LIN9: variants seen among roughly 807,000 people sequenced by gnomAD.
LIN9 encodes lin-9 DREAM MuvB core complex component.
LIN9 carries 18 observed loss-of-function variants against 78.0 expected under a neutral mutation model. The ratio of observed to expected loss-of-function variants is 0.23; its 90% confidence interval spans 0.16 to 0.34. The LOEUF is 0.34. Among genes scored for constraint, LIN9 ranks in the 10% least tolerant of loss-of-function variants. LIN9 has a pLI of 1.00. For missense variants in LIN9, 451 were observed against 644.1 expected (o/e 0.70, Z 3.25); for synonymous variants, 192 against 215.2 (o/e 0.89, Z 0.94).
intron 7 of LIN9, among the ~76,000 whole-genome samples, chr1:226,274,673 A>C (rs201119115): frequency 2.3e-5 from 2 of 88,140 alleles, no homozygotes; most frequent in South Asian, 9.2e-4. Flanking sequence ...TTTTTTTTTC[A>C]TTTTTTTCCT....
chr1:226,233,477 A>C lies in LIN9; in HGVS notation c.1292T>G (p.Met431Arg), dbSNP rs756064426. Residue 431 changes from methionine (M) to arginine (R), a missense_variant, in exon 13 of 15, where the codon ATG becomes AGG. Transcript: ENST00000681046. ...GLQPADQPTD[M>R]RRRCEEEAQE... The stretch of plus-strand genomic sequence containing the variant: ...TGCTTCTTCCTCACACCTGCGTCTC[A>C]TATCTGTTGGCTGATCTGCAGGCTG... 38 of 1,614,160 alleles carry C rather than the reference A, an allele frequency of 2.4e-5. No homozygotes were observed. The highest frequency in any genetic ancestry group is 3.1e-5 in the Non-Finnish European group (37 of 1,180,014).
At chr1:226,281,234 G>C (rs1026732255) in intron 6 of LIN9, among the ~76,000 whole-genome samples, 1 of 152,094 alleles carries the variant, frequency 6.6e-6, no homozygotes, top group African/African-American at 2.4e-5. Flanking sequence ...CATGGAGGTA[G>C]AAATTATTAA....
At chr1:226,299,942 G>A (rs879389992) in intron 2 of LIN9, among the ~76,000 whole-genome samples, 2 of 101,686 alleles carry the variant, frequency 2.0e-5, no homozygotes, top group African/African-American at 3.7e-5. Flanking sequence ...TTTTTTTTTT[G>A]GAATTTGAGA....
intron 7 of LIN9, among the ~76,000 whole-genome samples, chr1:226,272,865 T>C (rs995621879): frequency 6.6e-6 from 1 of 152,142 alleles, no homozygotes; most frequent in African/African-American, 2.4e-5. Context: ...GTCCCAGAGC[T>C]TGGGGCCTTC....
chr1:226,302,318 C>G (rs942472932), intron 1 of LIN9, among the ~76,000 whole-genome samples: 1 of 151,910 alleles, frequency 6.6e-6, no homozygotes, highest in African/African-American at 2.4e-5. Context: ...CCGAGGTGGG[C>G]GGATCACAAG....
intron 10 of LIN9, among the ~76,000 whole-genome samples, chr1:226,258,972 A>ATTT (rs377676108): frequency 8.2e-6 from 1 of 122,128 alleles, no homozygotes; most frequent in Admixed American, 9.1e-5. Context: ...AGACATAATA[A>ATTT]TTTTTTTTTT....
At chr1:226,299,095 A>T (rs1434974075) in intron 2 of LIN9, among the ~76,000 whole-genome samples, 1 of 152,224 alleles carries the variant, frequency 6.6e-6, no homozygotes, top group Non-Finnish European at 1.5e-5. Context: ...ATATAGAGGC[A>T]TAGAAAACTG....
intron 1 of LIN9, among the ~76,000 whole-genome samples, chr1:226,308,027 G>C (rs1663027812): frequency 1.3e-5 from 2 of 152,156 alleles, no homozygotes; most frequent in Non-Finnish European, 2.9e-5. Flanking sequence ...ACCTCACAAA[G>C]AAAATGGAAT....
intron 4 of LIN9, among the ~76,000 whole-genome samples, chr1:226,294,983 T>C (rs182378937): frequency 2.0e-5 from 3 of 152,028 alleles, no homozygotes; most frequent in South Asian, 2.1e-4. Flanking sequence ...GTATGTTTAG[T>C]AGAGACAGGG....
At position 226,265,630 on chromosome 1, in the gene LIN9, T is replaced by C. The variant is rs909606637; in HGVS notation, c.941A>G (p.Asn314Ser). 1.9e-6 allele frequency: 3 copies of C among 1,544,228 alleles called. No homozygotes were observed. Among genetic ancestry groups the C allele is most frequent in the African/African-American group, 2.7e-5 (2 of 73,546 alleles). Residue 314 changes from asparagine (N) to serine (S), a missense_variant, in exon 10 of 15, where the codon AAT becomes AGT. Physicochemically the swap from Asn to Ser is conservative, Grantham distance 46 (BLOSUM62 1). Transcript: ENST00000681046. This position sits in a 1 kb window ranked among gnomAD's most constrained non-coding sequence, Gnocchi z 4.1. Reference protein sequence around the residue: ...TPPLQSPIIDNDPLLGQSPWR... With the variant: ...TPPLQSPIIDSDPLLGQSPWR... ...CGGCGACTGTCCTAATAAAGGATCA[T>C]TATCCTATGGGAATAAAAAGGAATT...
intron 10 of LIN9, among the ~76,000 whole-genome samples, chr1:226,262,495 A>G (rs1558173702): frequency 6.6e-6 from 1 of 152,242 alleles, no homozygotes; most frequent in Non-Finnish European, 1.5e-5. Context: ...CTCACCAAAG[A>G]AGATATACAG....
intron 1 of LIN9, among the ~76,000 whole-genome samples, chr1:226,307,155 C>T (rs1001997627): frequency 6.6e-6 from 1 of 152,142 alleles, no homozygotes; most frequent in Non-Finnish European, 1.5e-5. Flanking sequence ...TGTAAGAAAG[C>T]CACTTAAAAT....
chr1:226,255,245 AAGG>A (rs1659111728), intron 10 of LIN9, among the ~76,000 whole-genome samples: 1 of 152,156 alleles, frequency 6.6e-6, no homozygotes, highest in Non-Finnish European at 1.5e-5. Context: ...TGCTTCCTGC[AAGG>A]GGAAGGAAAA....
chr1:226,271,701 T>C (rs923609475), intron 7 of LIN9, among the ~76,000 whole-genome samples: 3 of 152,192 alleles, frequency 2.0e-5, no homozygotes, highest in Non-Finnish European at 4.4e-5. Context: ...ACAACTATGA[T>C]TGTGGATTTG....
chr1:226,301,300 T>C (rs1662520724), intron 1 of LIN9, 95 bp from the exon 2 acceptor site: 4 of 871,366 alleles, frequency 4.6e-6, no homozygotes, highest in South Asian at 1.5e-5. Context: ...CATTTAGTTT[T>C]AGTAATGTTG....
At chr1:226,287,540 GA>G in intron 5 of LIN9, 123 bp downstream of exon 5, 1 of 632,700 alleles carries the variant, frequency 1.6e-6, no homozygotes, top group Non-Finnish European at 2.6e-6. Context: ...ATGTGGAACA[GA>G]AAAATGAATT....
At chr1:226,274,269 A>C (rs1660490784) in intron 7 of LIN9, among the ~76,000 whole-genome samples, 1 of 152,256 alleles carries the variant, frequency 6.6e-6, no homozygotes, top group Non-Finnish European at 1.5e-5. Flanking sequence ...CAGTTTACAT[A>C]AGATATCATG....
chr1:226,309,465 C>G (rs1663163034), upstream of LIN9: 1 of 1,100,150 alleles, frequency 9.1e-7, no homozygotes, highest in Non-Finnish European at 1.1e-6. Context: ...CCGCCCGGGC[C>G]CCGCTCCCGG....
intron 2 of LIN9, among the ~76,000 whole-genome samples, chr1:226,299,821 G>GA (rs1662401633): frequency 6.6e-6 from 1 of 151,906 alleles, no homozygotes; most frequent in African/African-American, 2.4e-5. Flanking sequence ...CCTGCCAAAA[G>GA]AAATAGTGAG....
Sources: allele counts gnomAD v4.1 joint callset (sites outside exome capture counted in the v4.1 genomes callset), GRCh38; gene constraint gnomAD v4.1.1; non-coding constraint Gnocchi (gnomAD v3.1); transcripts MANE v1.5; gene names NCBI Gene and HGNC (gene_info 2026-07-23, HGNC 2026-07-21).